Variants in DTNA observed in about 807,000 individuals in gnomAD.
The protein encoded by DTNA is dystrophin-related protein 3.
In DTNA, 43 loss-of-function variants were observed where a neutral mutation model predicts 100.7. The ratio of observed to expected loss-of-function variants is 0.43; its 90% CI spans 0.33 to 0.55. The LOEUF (loss-of-function observed/expected upper bound fraction) is 0.55, where lower values mean the gene tolerates loss of function less well. Among genes scored for constraint, DTNA ranks in the 20% least tolerant of loss-of-function variants. The pLI is 0.04. For synonymous variants in DTNA, 349 were observed against 347.9 expected, an observed-to-expected ratio of 1.00 and a Z score of -0.04; for missense variants, 798 against 953.9, an observed-to-expected ratio of 0.84 and a Z score of 2.15.
chr18:34,692,163 G>A (rs1203022246), intron 1 of DTNA, among the ~76,000 whole-genome samples: 1 of 152,152 alleles, frequency 6.6e-6, no homozygotes, highest in Admixed American at 6.5e-5. Flanking sequence ...ATGAACTAGG[G>A]AGGGTCATAT....
At chr18:34,500,158 G>T (rs1199247331) in intron 1 of DTNA, among the ~76,000 whole-genome samples, 1 of 151,970 alleles carries the variant, frequency 6.6e-6, no homozygotes, top group Non-Finnish European at 1.5e-5. Flanking sequence ...GCAGTTTAAG[G>T]ATAATTGATA....
chr18:34,832,909 T>C (rs564113585), intron 11 of DTNA, among the ~76,000 whole-genome samples: 174 of 152,292 alleles, frequency 1.1e-3, no homozygotes, highest in African/African-American at 3.8e-3. Context: ...TTATACACTA[T>C]AGATAGTTAC....
chr18:34,858,242 A>G (rs760157453), intron 15 of DTNA, 43 bp from the exon 16 acceptor site: 2 of 1,590,680 alleles, frequency 1.3e-6, no homozygotes, highest in Non-Finnish European at 1.7e-6. Context: ...GTTTCCTGAA[A>G]GCTAACTAAC....
intron 3 of DTNA, among the ~76,000 whole-genome samples, chr18:34,788,309 A>G (rs1032194406): frequency 1.2e-4 from 18 of 152,212 alleles, no homozygotes; most frequent in Non-Finnish European, 2.9e-5. Context: ...AAATAAACAA[A>G]AGGCTTATGT....
intron 3 of DTNA, among the ~76,000 whole-genome samples, chr18:34,776,373 G>A (rs779083106): frequency 1.3e-5 from 2 of 152,080 alleles, no homozygotes; most frequent in East Asian, 1.9e-4. Flanking sequence ...TTACTCTGTC[G>A]CCCAGGCTGG....
chr18:34,607,218 T>A (rs548812673), intron 1 of DTNA, among the ~76,000 whole-genome samples: 109 of 152,356 alleles, frequency 7.2e-4, no homozygotes, highest in Non-Finnish European at 1.3e-3. Context: ...GAATTCTCTA[T>A]GATTACAAAT....
intron 1 of DTNA, among the ~76,000 whole-genome samples, chr18:34,549,357 T>C (rs79886076): frequency 0.014 from 2,206 of 152,176 alleles, 55 homozygotes; most frequent in African/African-American, 0.049. Context: ...TTTCAGCGTT[T>C]AGAGTATTGA....
chr18:34,825,785 T>C (rs1786599), intron 9 of DTNA, among the ~76,000 whole-genome samples: 39,652 of 152,066 alleles, frequency 0.26, 5,370 homozygotes, highest in African/African-American at 0.32. Context: ...TTTCTCATTT[T>C]TAGACAGAGC....
At chr18:34,866,350 C>A in intron 17 of DTNA, 1 of 1,418,954 alleles carries the variant, frequency 7.0e-7, no homozygotes. Flanking sequence ...AAAAGAAGAA[C>A]TATGACATCT....
chr18:34,758,434 G>A (rs530310297), intron 2 of DTNA, among the ~76,000 whole-genome samples: 2 of 152,200 alleles, frequency 1.3e-5, no homozygotes, highest in Non-Finnish European at 2.9e-5. Flanking sequence ...TTGCAACAAG[G>A]GAGAAAGACT....
At chr18:34,563,826 C>A (rs2046849616) in intron 1 of DTNA, among the ~76,000 whole-genome samples, 1 of 152,132 alleles carries the variant, frequency 6.6e-6, no homozygotes, top group Non-Finnish European at 1.5e-5. Context: ...CCCTGTTTTT[C>A]AAATATAAAT....
chr18:34,831,096 T>G (rs1285934703), intron 11 of DTNA, among the ~76,000 whole-genome samples: 1 of 152,222 alleles, frequency 6.6e-6, no homozygotes, highest in East Asian at 1.9e-4. Context: ...TTTAAAATCT[T>G]AATTATCTTG....
chr18:34,605,200 T>C (rs1400447704), intron 1 of DTNA, among the ~76,000 whole-genome samples: 1 of 152,102 alleles, frequency 6.6e-6, no homozygotes, highest in Non-Finnish European at 1.5e-5. Context: ...CTGCAAACTT[T>C]TTAAAATAAA....
chr18:34,618,005 C>A (rs868114749), intron 1 of DTNA, among the ~76,000 whole-genome samples: 1 of 152,024 alleles, frequency 6.6e-6, no homozygotes, highest in South Asian at 2.1e-4. Flanking sequence ...ATATAATTTT[C>A]CAATATTATA....
At chr18:34,724,956 T>C (rs1197585075) in intron 1 of DTNA, among the ~76,000 whole-genome samples, 1 of 152,046 alleles carries the variant, frequency 6.6e-6, no homozygotes, top group Non-Finnish European at 1.5e-5. Flanking sequence ...TCTACAACCA[T>C]CGGATATTTG....
At chr18:34,711,451 T>A (rs1345930332) in intron 1 of DTNA, among the ~76,000 whole-genome samples, 2 of 152,198 alleles carry the variant, frequency 1.3e-5, no homozygotes, top group Non-Finnish European at 2.9e-5. Flanking sequence ...CAAAGCTGTC[T>A]TAGCAGCTTT....
intron 5 of DTNA, among the ~76,000 whole-genome samples, chr18:34,810,615 C>T (rs1602452485): frequency 6.6e-6 from 1 of 152,034 alleles, no homozygotes; most frequent in East Asian, 1.9e-4. Context: ...GGAATACGTT[C>T]GAGTGTTCTA....
At chr18:34,766,450 G>A (rs2093472111) in intron 3 of DTNA, among the ~76,000 whole-genome samples, 1 of 148,632 alleles carries the variant, frequency 6.7e-6, no homozygotes, top group African/African-American at 2.5e-5. Context: ...AACACCACAT[G>A]TTCTCACTCA....
intron 1 of DTNA, among the ~76,000 whole-genome samples, chr18:34,693,364 C>G (rs1350551214): frequency 6.6e-6 from 1 of 152,024 alleles, no homozygotes; most frequent in East Asian, 1.9e-4. Context: ...TCATGCAGCC[C>G]AGACCTCCTA....
Sources: gnomAD v4.1 joint callset for allele counts (sites outside exome capture counted in the v4.1 genomes callset) on GRCh38, gnomAD v4.1.1 for gene constraint, MANE v1.5 for transcripts, NCBI Gene and HGNC (gene_info 2026-07-23, HGNC 2026-07-21) for gene names.